LARGE1: variants seen among roughly 807,000 people sequenced by gnomAD.
LARGE1 encodes xylosyl- and glucuronyltransferase LARGE1.
In LARGE1, 43 loss-of-function variants were observed where a neutral mutation model predicts 87.6. That is an observed-to-expected ratio of 0.49 (90% CI 0.38 to 0.63). LARGE1 has a LOEUF of 0.63. LARGE1 is among the 30% of genes least tolerant of loss of function. The pLI is 0.00. For missense variants in LARGE1, 802 were observed against 1,000.2 expected (o/e 0.80, Z 2.67); for synonymous variants, 434 against 394.6 (o/e 1.10, Z -1.18).
chr22:33,220,253 A>G (rs1002759689), intron 11 of LARGE1, among the ~76,000 whole-genome samples: 6 of 152,228 alleles, frequency 3.9e-5, no homozygotes, highest in Admixed American at 2.6e-4. Context: ...CAAAATGACC[A>G]TCTCTCTAGG....
chr22:33,428,688 T>C (rs1321912012), intron 7 of LARGE1, among the ~76,000 whole-genome samples: 21 of 139,748 alleles, frequency 1.5e-4, no homozygotes, highest in Non-Finnish European at 2.8e-4. Flanking sequence ...TTTGGGAGGC[T>C]GAGGCGGGTG....
At chr22:33,239,016 C>T (rs1319574847) in intron 11 of LARGE1, among the ~76,000 whole-genome samples, 2 of 150,866 alleles carry the variant, frequency 1.3e-5, no homozygotes, top group East Asian at 3.9e-4. Context: ...AAGATCAAAT[C>T]AAAGTTATCT....
intron 2 of LARGE1, among the ~76,000 whole-genome samples, chr22:33,667,957 C>T (rs1050991006): frequency 1.3e-5 from 2 of 152,170 alleles, no homozygotes; most frequent in Middle Eastern, 3.2e-3. Flanking sequence ...TATGTGTAAA[C>T]TAATCAGAGT....
chr22:33,710,063 A>G (rs1356695776), intron 2 of LARGE1, among the ~76,000 whole-genome samples: 1 of 152,062 alleles, frequency 6.6e-6, no homozygotes, highest in Non-Finnish European at 1.5e-5. Flanking sequence ...CACTTGGAAA[A>G]TGCTACTGCC....
chr22:33,373,824 A>G (rs1413793968), intron 9 of LARGE1, among the ~76,000 whole-genome samples: 1 of 151,948 alleles, frequency 6.6e-6, no homozygotes, highest in East Asian at 1.9e-4. Flanking sequence ...AATACAACAA[A>G]TTAGCCACGT....
intron 11 of LARGE1, among the ~76,000 whole-genome samples, chr22:33,172,374 C>T (rs1023723440): frequency 7.2e-5 from 11 of 152,120 alleles, no homozygotes; most frequent in African/African-American, 2.7e-4. Context: ...ATGGTGGTTT[C>T]TCCCATGCTG....
chr22:33,393,510 G>C (rs952432766), intron 7 of LARGE1, among the ~76,000 whole-genome samples: 6 of 152,206 alleles, frequency 3.9e-5, no homozygotes, highest in Admixed American at 3.3e-4. Flanking sequence ...TATGAAAATG[G>C]TTCCATTTGA....
chr22:33,469,140 G>T (rs769891206), intron 6 of LARGE1, among the ~76,000 whole-genome samples: 8 of 152,122 alleles, frequency 5.3e-5, no homozygotes, highest in Admixed American at 1.3e-4. Flanking sequence ...ATTTCTCAAA[G>T]AAATTAGAAC....
Position 33,609,567 on chromosome 22 carries a change from G to A in LARGE1, c.492-5009C>T, listed in dbSNP as rs149987472. ...ATTCAGCAGGGAAGTGCAGTTGACC[G>A]TTGAGTAACATGGGGTTGAACTGTA... On this transcript the variant is annotated intron_variant, in intron 4 of 14. Coordinates refer to ENST00000397394, the MANE Select transcript of LARGE1 (RefSeq NM_133642.5). 2.1e-3 allele frequency among the ~76,000 whole-genome samples: 314 copies of A among 152,312 alleles called. 1 individual carries two copies. Among genetic ancestry groups the A allele is most frequent in the African/African-American group, 7.3e-3 (302 of 41,566 alleles).
intron 1 of LARGE1, among the ~76,000 whole-genome samples, chr22:33,890,758 G>T (rs1408371073): frequency 6.7e-6 from 1 of 148,804 alleles, no homozygotes; most frequent in African/African-American, 2.5e-5. Flanking sequence ...CAATTCCTCA[G>T]GTTGTTCAGG....
chr22:33,446,366 C>A (rs2067686904), intron 6 of LARGE1, among the ~76,000 whole-genome samples: 2 of 152,258 alleles, frequency 1.3e-5, no homozygotes, highest in South Asian at 4.1e-4. Flanking sequence ...AATTATGGAA[C>A]CTGAGGTGAG....
intron 7 of LARGE1, among the ~76,000 whole-genome samples, chr22:33,430,467 A>G (rs2067039944): frequency 6.6e-6 from 1 of 152,160 alleles, no homozygotes; most frequent in Admixed American, 6.5e-5. Flanking sequence ...TCATCCAGCA[A>G]CTAAAGTATT....
chr22:33,898,436 C>A (rs564821266), intron 1 of LARGE1, among the ~76,000 whole-genome samples: 1 of 152,314 alleles, frequency 6.6e-6, no homozygotes. Context: ...TCCTCCTCTC[C>A]TTCCACAAGA....
At chr22:33,774,897 T>C (rs2085185301) in intron 1 of LARGE1, among the ~76,000 whole-genome samples, 1 of 152,166 alleles carries the variant, frequency 6.6e-6, no homozygotes, top group African/African-American at 2.4e-5. Context: ...TTTCAGTATT[T>C]TCTAAACCTT....
intron 1 of LARGE1, among the ~76,000 whole-genome samples, chr22:33,884,640 G>T (rs150256671): frequency 1.3e-5 from 2 of 152,208 alleles, no homozygotes; most frequent in African/African-American, 4.8e-5. Context: ...TCGAGGTCAC[G>T]GCTTACACTG....
chr22:33,450,008 T>C (rs891298718), intron 6 of LARGE1, among the ~76,000 whole-genome samples: 2 of 151,694 alleles, frequency 1.3e-5, no homozygotes, highest in African/African-American at 4.8e-5. Flanking sequence ...GCCTCTTGGG[T>C]TCAAGTGATT....
chr22:33,709,919 G>T (rs980125102), intron 2 of LARGE1, among the ~76,000 whole-genome samples: 1 of 146,850 alleles, frequency 6.8e-6, no homozygotes, highest in Non-Finnish European at 1.5e-5. Context: ...GAGCCACCAC[G>T]CTCAGCTGGC....
At chr22:33,616,081 C>T (rs117094792) in intron 4 of LARGE1, among the ~76,000 whole-genome samples, 2 of 152,076 alleles carry the variant, frequency 1.3e-5, no homozygotes, top group African/African-American at 4.8e-5. Flanking sequence ...AATGAAGCAG[C>T]TGGTAGGAGA....
rs1259376301 is a variant in LARGE1, at chr22:33,779,025, GATGTT to G, written c.-82-17472_-82-17468del. On this transcript the variant is annotated intron_variant, in intron 1 of 14. Coordinates refer to ENST00000397394, the MANE Select transcript of LARGE1 (RefSeq NM_133642.5). Reference sequence around the variant, plus strand: ...CATTTTGTTTATCCATTCATCAGGTGATGTTATATTTGGCATGCTTTTACTTTGGG... The same window carrying G: ...CATTTTGTTTATCCATTCATCAGGTGATATTTGGCATGCTTTTACTTTGGG... Among the ~76,000 whole-genome samples, 10 of 152,266 alleles carry G rather than the reference GATGTT, an allele frequency of 6.6e-5. No homozygotes were observed. In the East Asian group the frequency reaches 1.9e-3, roughly 29 times the overall value.
Sources: allele counts gnomAD v4.1 joint callset (sites outside exome capture counted in the v4.1 genomes callset), GRCh38; gene constraint gnomAD v4.1.1; transcripts MANE v1.5; gene names NCBI Gene and HGNC (gene_info 2026-07-23, HGNC 2026-07-21).